Variants in SLC12A8 observed in about 807,000 individuals in gnomAD.
SLC12A8 encodes the protein cation-chloride cotransporter 9.
In SLC12A8, 69 loss-of-function variants were observed where a neutral mutation model predicts 75.6. The observed-to-expected ratio is 0.91, with a 90% confidence interval of 0.75 to 1.11. The LOEUF (loss-of-function observed/expected upper bound fraction) is 1.11. Ranked by LOEUF, SLC12A8 falls within the 50% of genes most tolerant of loss-of-function variation. The pLI is 0.00. For missense variants in SLC12A8, 877 were observed against 896.7 expected (o/e 0.98, Z 0.28); for synonymous variants, 365 against 372.8 (o/e 0.98, Z 0.24).
At position 125,193,016 on chromosome 3, in the gene SLC12A8, T is replaced by A. The variant is rs375144765; in HGVS notation, c.52-2495A>T. Among the ~76,000 whole-genome samples the A allele has an allele frequency of 2.6e-5, 4 of 152,222 alleles. No homozygotes were observed. In the East Asian group the frequency reaches 7.7e-4, roughly 29 times the overall value. ...GAAAGCCCCAGAATAAAATGCCAAATAAAGCCCCCGAGGGATATTTCCCAG... is the reference window on the plus strand; with the variant it reads ...GAAAGCCCCAGAATAAAATGCCAAAAAAAGCCCCCGAGGGATATTTCCCAG... On this transcript the variant is annotated intron_variant, in intron 2 of 13. Transcript: ENST00000469902.
At chr3:125,149,128 C>T (rs1933857941) in intron 5 of SLC12A8, among the ~76,000 whole-genome samples, 2 of 152,204 alleles carry the variant, frequency 1.3e-5, no homozygotes, top group South Asian at 2.1e-4. Context: ...ATACCCGGAA[C>T]GCCCAGCCAG....
chr3:125,170,887 C>G (rs1934393554), intron 5 of SLC12A8, among the ~76,000 whole-genome samples: 1 of 152,100 alleles, frequency 6.6e-6, no homozygotes, highest in South Asian at 2.1e-4. Flanking sequence ...TGCACTCCAG[C>G]CTGGGTGACA....
intron 8 of SLC12A8, among the ~76,000 whole-genome samples, chr3:125,114,148 T>G (rs1005833065): frequency 7.9e-5 from 12 of 152,182 alleles, no homozygotes; most frequent in African/African-American, 2.9e-4. Flanking sequence ...AAGTTTTACC[T>G]CTCACTTGAG....
intron 5 of SLC12A8, among the ~76,000 whole-genome samples, chr3:125,155,603 C>G (rs372031700): frequency 2.3e-5 from 1 of 42,944 alleles, no homozygotes; most frequent in Non-Finnish European, 6.3e-5. Flanking sequence ...AACCCTGTCT[C>G]TACTAAAAAT....
At chr3:125,181,624 A>T (rs533067501) in intron 4 of SLC12A8, among the ~76,000 whole-genome samples, 6 of 147,644 alleles carry the variant, frequency 4.1e-5, no homozygotes, top group Admixed American at 6.9e-5. Context: ...AAAAAAAAAA[A>T]AAAGAAAAAT....
At chr3:125,150,913 C>G (rs1933904862) in intron 5 of SLC12A8, among the ~76,000 whole-genome samples, 1 of 152,144 alleles carries the variant, frequency 6.6e-6, no homozygotes, top group South Asian at 2.1e-4. Flanking sequence ...AAAAAACTAC[C>G]TGGAGCACTT....
chr3:125,194,798 T>C (rs1434647740), intron 2 of SLC12A8, among the ~76,000 whole-genome samples: 1 of 152,246 alleles, frequency 6.6e-6, no homozygotes, highest in South Asian at 2.1e-4. Context: ...CTGGATTACA[T>C]ACACATGCGA....
intron 2 of SLC12A8, among the ~76,000 whole-genome samples, chr3:125,193,955 C>G (rs984674296): frequency 5.3e-5 from 8 of 152,202 alleles, no homozygotes; most frequent in Non-Finnish European, 7.3e-5. Context: ...ATTTGGGCCC[C>G]AGTCCTCAAT....
At chr3:125,190,082 A>G (rs528502889) in intron 3 of SLC12A8, among the ~76,000 whole-genome samples, 1 of 152,304 alleles carries the variant, frequency 6.6e-6, no homozygotes, top group East Asian at 1.9e-4. Flanking sequence ...ATTGCCATCA[A>G]TCTGATCTCT....
intron 4 of SLC12A8, among the ~76,000 whole-genome samples, chr3:125,186,761 T>C (rs1441653862): frequency 1.3e-5 from 2 of 152,248 alleles, no homozygotes; most frequent in African/African-American, 2.4e-5. Context: ...GCTGTCAGCC[T>C]CCCTGTGAAG....
chr3:125,116,447 C>T (rs1012678660), intron 8 of SLC12A8, among the ~76,000 whole-genome samples: 1 of 152,206 alleles, frequency 6.6e-6, no homozygotes. Flanking sequence ...TGGCTAAGTG[C>T]TTGCCTACCT....
intron 1 of SLC12A8, among the ~76,000 whole-genome samples, chr3:125,212,095 G>A (rs1331052508): frequency 6.6e-6 from 1 of 152,142 alleles, no homozygotes; most frequent in Non-Finnish European, 1.5e-5. Context: ...GGTAGAAGGA[G>A]GAAGGGGGAG....
chr3:125,126,522 C>T (rs980153399), intron 6 of SLC12A8, among the ~76,000 whole-genome samples: 1 of 152,198 alleles, frequency 6.6e-6, no homozygotes, highest in East Asian at 1.9e-4. Flanking sequence ...CCTGAATCAC[C>T]CAGTGGCACA....
At chr3:125,129,450 G>A (rs1162567475) in intron 6 of SLC12A8, among the ~76,000 whole-genome samples, 1 of 152,224 alleles carries the variant, frequency 6.6e-6, no homozygotes, top group Admixed American at 6.5e-5. Flanking sequence ...CACCAGCACA[G>A]GGTGTAATGG....
chr3:125,093,785 A>C lies in SLC12A8; in HGVS notation c.1706-1587T>G, dbSNP rs16836420. On this transcript the variant is annotated intron_variant, in intron 10 of 13. Coordinates refer to ENST00000469902, the MANE Select transcript of SLC12A8 (RefSeq NM_024628.6). ...GAACTCACTAAGTATTCCTAGCCCA[A>C]GTCTCCCATCCTCTCTGGTCACTGT... is the stretch of plus-strand genomic sequence containing the variant. 1.4e-3 allele frequency among the ~76,000 whole-genome samples: 212 copies of C among 152,250 alleles called. 2 individuals are homozygous for C. The East Asian group carries it at 0.019, about 14-fold the overall frequency.
intron 6 of SLC12A8, among the ~76,000 whole-genome samples, chr3:125,128,415 C>G (rs1254168196): frequency 6.8e-6 from 1 of 147,718 alleles, no homozygotes; most frequent in Non-Finnish European, 1.5e-5. Context: ...CTCCTGACCT[C>G]GTGATCCGCC....
chr3:125,195,418 T>C (rs1007902145), intron 2 of SLC12A8, among the ~76,000 whole-genome samples: 1 of 152,278 alleles, frequency 6.6e-6, no homozygotes, highest in East Asian at 1.9e-4. Context: ...AAGGATCCAA[T>C]TGGAGCCGTC....
chr3:125,186,555 A>G (rs936417954), intron 4 of SLC12A8, among the ~76,000 whole-genome samples: 1 of 152,232 alleles, frequency 6.6e-6, no homozygotes, highest in Admixed American at 6.5e-5. Flanking sequence ...TTTTCAATCC[A>G]AGAAATGCTG....
chr3:125,212,433 C>T (rs1295354051), intron 1 of SLC12A8, among the ~76,000 whole-genome samples: 2 of 152,128 alleles, frequency 1.3e-5, no homozygotes, highest in Admixed American at 1.3e-4. Context: ...CCACATTCAC[C>T]TGGCTCCTCC....
Sources: allele counts gnomAD v4.1 joint callset (sites outside exome capture counted in the v4.1 genomes callset), GRCh38; gene constraint gnomAD v4.1.1; transcripts MANE v1.5; gene names NCBI Gene and HGNC (gene_info 2026-07-23, HGNC 2026-07-21).